Variants in SNX19 observed in about 807,000 individuals in gnomAD.
The protein encoded by SNX19 is sorting nexin 19.
Under a neutral mutation model 85.2 loss-of-function variants are expected in SNX19, and 60 were observed. The observed-to-expected ratio is 0.70, with a 90% CI of 0.57 to 0.87. The LOEUF is 0.87. SNX19 is among the 40% of genes least tolerant of loss of function. The pLI, the probability that SNX19 is intolerant of heterozygous loss-of-function variation, is 0.00. For synonymous variants in SNX19, 520 were observed against 470.0 expected, an observed-to-expected ratio of 1.11 and a Z score of -1.38; for missense variants, 1,201 against 1,217.8, an observed-to-expected ratio of 0.99 and a Z score of 0.21.
chr11:130,910,885 T>C (rs1946055367), intron 2 of SNX19, among the ~76,000 whole-genome samples: 1 of 152,110 alleles, frequency 6.6e-6, no homozygotes, highest in African/African-American at 2.4e-5. Context: ...TCCTTAAGAG[T>C]GAAATTTTAT....
At chr11:130,907,161 A>G (rs1304221786) in intron 5 of SNX19, among the ~76,000 whole-genome samples, 1 of 152,200 alleles carries the variant, frequency 6.6e-6, no homozygotes, top group Non-Finnish European at 1.5e-5. Context: ...TTGTGTTCCA[A>G]ATAAAACCAG....
At chr11:130,894,694 C>A in intron 8 of SNX19, 1 of 985,428 alleles carries the variant, frequency 1.0e-6, no homozygotes, top group Non-Finnish European at 1.2e-6. Flanking sequence ...AAAAGCAACA[C>A]ACATTCAGAA....
In SNX19 at chr11:130,872,710, GA is replaced by G; in HGVS notation, c.*5711del. The stretch of plus-strand genomic sequence containing the variant: ...TGGCACTCCCAGTGGAAAGGAAGCA[GA>G]GGGGCCAAGTTATGGCAGAGTGCGC... On this transcript the variant is annotated 3_prime_UTR_variant, in exon 11 of 11. Coordinates refer to ENST00000265909, the MANE Select transcript of SNX19 (RefSeq NM_014758.3). Among the ~76,000 whole-genome samples the G allele has an allele frequency of 6.6e-6, 1 of 152,330 alleles. No homozygotes were observed. The highest frequency in any genetic ancestry group is 1.9e-4 in the East Asian group (1 of 5,166).
intron 4 of SNX19, among the ~76,000 whole-genome samples, chr11:130,908,550 T>A (rs960603611): frequency 2.0e-5 from 3 of 152,210 alleles, no homozygotes; most frequent in Non-Finnish European, 4.4e-5. Flanking sequence ...AGGGGCATAG[T>A]AATATTAACA....
chr11:130,893,846 T>C, intron 8 of SNX19: 1 of 702,092 alleles, frequency 1.4e-6, no homozygotes. Flanking sequence ...AGCATTATAT[T>C]AGAGCTAAAG....
chr11:130,898,470 G>T (rs917090988), intron 8 of SNX19, among the ~76,000 whole-genome samples: 1 of 152,136 alleles, frequency 6.6e-6, no homozygotes, highest in African/African-American at 2.4e-5. Flanking sequence ...TTTAAGCACG[G>T]AACTTAAAGG....
In SNX19 at chr11:130,876,869, C is replaced by CAT. The variant is rs1943285149; in HGVS notation, c.*1551_*1552dup. On this transcript the variant is annotated 3_prime_UTR_variant, in exon 11 of 11. Transcript: ENST00000265909. Reference sequence around the variant, plus strand: ...AGAAGAGGCCATGAGACATCTCATTCATCTCCTTGCCTTTGGGCAAGAATT... The same window carrying CAT: ...AGAAGAGGCCATGAGACATCTCATTCATATCTCCTTGCCTTTGGGCAAGAATT... 6.6e-6 allele frequency: 1 copy of CAT among 152,384 alleles called. No individual in the cohort carries two copies. The highest frequency in any genetic ancestry group is 1.5e-5 in the Non-Finnish European group (1 of 68,044). The allele number at this position is 152,384 out of a possible 1,614,324, so 9.4% of individuals were successfully genotyped here.
chr11:130,908,079 A>G lies in SNX19; in HGVS notation c.2039T>C (p.Val680Ala). 3.1e-6 allele frequency: 5 copies of G among 1,613,990 alleles called. No homozygotes were observed. Among genetic ancestry groups the G allele is most frequent in the Non-Finnish European group, 4.2e-6 (5 of 1,179,954 alleles). ...PFMVSRIDKM[V>A]VSAIVDTLKT... ...CAAGGTGTCCACAATGGCACTCACC[A>G]CCATCTGCAGGGGTCAGAGGTGCAG... Residue 680 changes from valine to alanine, a missense_variant, in exon 5 of 11, where the codon GTG becomes GCG. Physicochemically the swap from Val to Ala is moderately conservative, Grantham distance 64 (BLOSUM62 0). This residue lies in a region of SNX19 where 125 missense variants were observed against 171.6 expected (regional missense o/e 0.73). Coordinates refer to ENST00000265909, the MANE Select transcript of SNX19 (RefSeq NM_014758.3).
At chr11:130,878,633 C>T in intron 10 of SNX19, 79 bp from the exon 11 acceptor site, 1 of 1,513,744 alleles carries the variant, frequency 6.6e-7, no homozygotes, top group East Asian at 2.3e-5. Flanking sequence ...TTATTTTCTC[C>T]TCCCCCATCA....
intron 8 of SNX19, among the ~76,000 whole-genome samples, chr11:130,888,199 C>T (rs1944225219): frequency 2.0e-5 from 3 of 151,490 alleles, no homozygotes; most frequent in African/African-American, 4.8e-5. Context: ...ATCTTGTTGG[C>T]TTTAGATTAT....
Position 130,915,861 on chromosome 11 carries a change from G to C in SNX19, c.79C>G (p.Arg27Gly), listed in dbSNP as rs753562557. Residue 27 changes from arginine (R) to glycine (G), a missense_variant, in exon 1 of 11, where the codon CGG becomes GGG. This residue lies in a region of SNX19 where 791 missense variants were observed against 750.9 expected (regional missense o/e 1.05). Coordinates refer to ENST00000265909, the MANE Select transcript of SNX19 (RefSeq NM_014758.3). ...AAGACCCCCACAGCCATCAGCTTCC[G>C]GCTACTCAACAGGTTATTGAGGTGA... ...SCHLNNLLSS[R>G]KLMAVGVLLG... 1.2e-5 allele frequency: 20 copies of C among 1,614,064 alleles called. No homozygotes were observed. Among genetic ancestry groups the C allele is most frequent in the Admixed American group, 3.3e-5 (2 of 59,998 alleles).
chr11:130,913,347 C>G (rs2135421865), intron 1 of SNX19, among the ~76,000 whole-genome samples: 1 of 152,328 alleles, frequency 6.6e-6, no homozygotes, highest in African/African-American at 2.4e-5. Flanking sequence ...GACATCTGTA[C>G]TTCTACAATT....
Position 130,875,062 on chromosome 11 carries a change from C to T in SNX19, c.*3360G>A, listed in dbSNP as rs1943170335. 6.6e-6 allele frequency among the ~76,000 whole-genome samples: 1 copy of T among 152,232 alleles called. No homozygotes were observed. Among genetic ancestry groups the T allele is most frequent in the East Asian group, 1.9e-4 (1 of 5,200 alleles). On this transcript the variant is annotated 3_prime_UTR_variant, in exon 11 of 11. Coordinates refer to ENST00000265909, the MANE Select transcript of SNX19 (RefSeq NM_014758.3). Reference sequence around the variant, plus strand: ...AGGGCCTCGAAGAAACAGTCACACTCCCATGTTCACTGCAGCATTGTTTTC... The same window carrying T: ...AGGGCCTCGAAGAAACAGTCACACTTCCATGTTCACTGCAGCATTGTTTTC...
At chr11:130,882,703 A>G (rs554726899) in intron 8 of SNX19, among the ~76,000 whole-genome samples, 1 of 152,310 alleles carries the variant, frequency 6.6e-6, no homozygotes, top group East Asian at 1.9e-4. Flanking sequence ...GTTCCTGTTT[A>G]TGTAAGAGGG....
rs1942865483 is a variant in SNX19 at position 130,868,386 on chromosome 11, TCA to T, written c.*10034_*10035del. The T allele has an allele frequency of 6.6e-6, 1 of 152,164 alleles. No individual in the cohort carries two copies. Among genetic ancestry groups the T allele is most frequent in the South Asian group, 2.1e-4 (1 of 4,816 alleles). 9.4% of individuals were successfully genotyped at this position (152,164 alleles called of 1,614,324 possible). On this transcript the variant is annotated 3_prime_UTR_variant, in exon 11 of 11. Coordinates refer to ENST00000265909, the MANE Select transcript of SNX19 (RefSeq NM_014758.3). ...ACACCCTTCTTGAGCCCGTAATTTATCAGATTTTTTTTCCTGTGGCGATACAG... is the reference window on the plus strand; with the variant it reads ...ACACCCTTCTTGAGCCCGTAATTTATGATTTTTTTTCCTGTGGCGATACAG...
rs1943294608 is a variant in SNX19 at position 130,877,008 on chromosome 11, G to A, written c.*1414C>T. On this transcript the variant is annotated 3_prime_UTR_variant, in exon 11 of 11. Coordinates refer to ENST00000265909, the MANE Select transcript of SNX19 (RefSeq NM_014758.3). ...CTTCCACAAACCACTTTAATTGTGT[G>A]CTCATCACCGACTTCAGAATCTAAG... 1 of 152,192 alleles carries A rather than the reference G, an allele frequency of 6.6e-6. No homozygotes were observed. The highest frequency in any genetic ancestry group is 6.5e-5 in the Admixed American group (1 of 15,282). The allele number at this position is 152,192 out of a possible 1,614,324, so 9.4% of individuals were successfully genotyped here.
At position 130,877,107 on chromosome 11, in the gene SNX19, T is replaced by C. The variant is rs528005437; in HGVS notation, c.*1315A>G. 6 of 152,378 alleles carry C rather than the reference T, an allele frequency of 3.9e-5. No homozygotes were observed. The South Asian group carries it at 1.2e-3, about 32-fold the overall frequency. 9.4% of individuals were successfully genotyped at this position (152,378 alleles called of 1,614,324 possible). A position where few individuals can be genotyped will look rare whatever the true frequency, so the allele number is the denominator to read the frequency against. On this transcript the variant is annotated 3_prime_UTR_variant, in exon 11 of 11. Coordinates refer to ENST00000265909, the MANE Select transcript of SNX19 (RefSeq NM_014758.3). ...AACTCCAAGACCTTCCTCCGAGTGG[T>C]AGGCTCTGGTAATTCAGCGAAAGCA... is the stretch of plus-strand genomic sequence containing the variant.
rs1374095657 is a variant in SNX19 at position 130,866,481 on chromosome 11, T to C, written c.*11941A>G. ...GGAGACAGTAATAAATACGTGCCCA[T>C]TGCAATGAGTTACCCAATCAAGCCC... On this transcript the variant is annotated 3_prime_UTR_variant, in exon 11 of 11. Transcript: ENST00000265909. 6.6e-6 allele frequency: 1 copy of C among 152,186 alleles called. No homozygotes were observed. The highest frequency in any genetic ancestry group is 1.5e-5 in the Non-Finnish European group (1 of 68,040). 9.4% of individuals were successfully genotyped at this position (152,186 alleles called of 1,614,324 possible).
At chr11:130,897,150 C>G (rs1382284384) in intron 8 of SNX19, among the ~76,000 whole-genome samples, 1 of 152,130 alleles carries the variant, frequency 6.6e-6, no homozygotes, top group Non-Finnish European at 1.5e-5. Flanking sequence ...ATTCCAAGGT[C>G]TGGTGTAAGG....
Sources: allele counts gnomAD v4.1 joint callset (sites outside exome capture counted in the v4.1 genomes callset), GRCh38; gene constraint gnomAD v4.1.1; regional missense constraint gnomAD v4.1.1; transcripts MANE v1.5; gene names NCBI Gene and HGNC (gene_info 2026-07-23, HGNC 2026-07-21).